PRELID2: variants seen among roughly 807,000 people sequenced by gnomAD.
PRELID2 encodes the protein PRELI domain-containing protein 2.
PRELID2 carries 25 observed loss-of-function variants against 28.4 expected under a neutral mutation model. The ratio of observed to expected loss-of-function variants is 0.88; its 90% CI spans 0.64 to 1.23. PRELID2 has a LOEUF of 1.23. Among genes scored for constraint, PRELID2 ranks in the 50% most tolerant of loss-of-function variants. The pLI is 0.00. For missense variants in PRELID2, 201 were observed against 214.4 expected, an observed-to-expected ratio of 0.94 and a Z score of 0.39; for synonymous variants, 76 against 71.6, an observed-to-expected ratio of 1.06 and a Z score of -0.31.
intron 1 of PRELID2, among the ~76,000 whole-genome samples, chr5:145,831,402 G>A (rs774130855): frequency 1.3e-5 from 2 of 152,160 alleles, no homozygotes; most frequent in African/African-American, 2.4e-5. Flanking sequence ...TTATGGAGTG[G>A]ACCCCTAAAA....
intron 1 of PRELID2, among the ~76,000 whole-genome samples, chr5:145,590,337 G>A (rs1753210513): frequency 6.6e-6 from 1 of 152,094 alleles, no homozygotes; most frequent in South Asian, 2.1e-4. Flanking sequence ...AGTGTTCTCT[G>A]TTCTTTCATG....
At chr5:145,398,850 G>A in the PRELID2 span, among the ~76,000 whole-genome samples, 1 of 152,026 alleles carries the variant, frequency 6.6e-6, no homozygotes, top group African/African-American at 2.4e-5. Flanking sequence ...AGGAAGGAAG[G>A]AAGTCTTTCC....
At chr5:145,301,063 T>C in the PRELID2 span, among the ~76,000 whole-genome samples, 2 of 152,098 alleles carry the variant, frequency 1.3e-5, no homozygotes, top group Non-Finnish European at 2.9e-5. Context: ...TAACAATATA[T>C]CCAAAAGAGT....
intron 5 of PRELID2, among the ~76,000 whole-genome samples, chr5:145,787,730 G>A (rs1411780972): frequency 2.6e-5 from 4 of 152,002 alleles, no homozygotes; most frequent in Non-Finnish European, 4.4e-5. Flanking sequence ...CTGTAGAGAC[G>A]AGATCTCCCT....
chr5:145,380,799 C>A, the PRELID2 span, among the ~76,000 whole-genome samples: 1 of 152,088 alleles, frequency 6.6e-6, no homozygotes, highest in Admixed American at 6.5e-5. Flanking sequence ...ATGAGCTTTT[C>A]TTTTACTTTG....
intron 1 of PRELID2, among the ~76,000 whole-genome samples, chr5:145,717,446 T>A (rs1755873619): frequency 6.6e-6 from 1 of 152,082 alleles, no homozygotes; most frequent in African/African-American, 2.4e-5. Context: ...ATAAATAATA[T>A]GTTTTTAAAA....
chr5:145,732,068 A>C (rs568480360), intron 1 of PRELID2, among the ~76,000 whole-genome samples: 1 of 152,318 alleles, frequency 6.6e-6, no homozygotes, highest in South Asian at 2.1e-4. Context: ...GGTAGCTATA[A>C]ATAAATAGGT....
chr5:145,316,091 T>C, the PRELID2 span, among the ~76,000 whole-genome samples: 2 of 152,318 alleles, frequency 1.3e-5, no homozygotes, highest in East Asian at 3.9e-4. Flanking sequence ...GATATGTAGC[T>C]TGAAATTGGC....
the PRELID2 span, chr5:145,229,486 C>A: frequency 9.5e-7 from 1 of 1,057,160 alleles, no homozygotes; most frequent in Non-Finnish European, 1.4e-6. Flanking sequence ...CTGACATTCT[C>A]AAGATCCAAT....
At chr5:145,668,422 A>T (rs1358090237) in intron 1 of PRELID2, among the ~76,000 whole-genome samples, 1 of 151,992 alleles carries the variant, frequency 6.6e-6, no homozygotes, top group Admixed American at 6.6e-5. Context: ...GTCCCTATAG[A>T]TACCCAATAT....
At chr5:145,267,450 C>T in the PRELID2 span, among the ~76,000 whole-genome samples, 1 of 152,144 alleles carries the variant, frequency 6.6e-6, no homozygotes. Context: ...ACACAATGAC[C>T]TCCAGTTTCT....
At chr5:145,229,504 A>G in the PRELID2 span, 1 of 1,202,066 alleles carries the variant, frequency 8.3e-7, no homozygotes, top group Non-Finnish European at 1.2e-6. Context: ...AATTCAAAAA[A>G]GGAGTCCCCG....
chr5:145,342,480 A>G, the PRELID2 span, among the ~76,000 whole-genome samples: 1 of 152,178 alleles, frequency 6.6e-6, no homozygotes, highest in Non-Finnish European at 1.5e-5. Flanking sequence ...ACACAGTCTC[A>G]TATGTCAATA....
rs1755413484 is a variant in PRELID2 at position 145,829,061 on chromosome 5, TGG to T, written c.76-5929_76-5928del. ...TGGTTTGGGGTTTTGTTGTTGTTGG[TGG>T]TGGTGGTGGTGGTGGTGGTAGAGAT... On this transcript the variant is annotated intron_variant, in intron 1 of 6. Coordinates refer to ENST00000683046, the MANE Select transcript of PRELID2 (RefSeq NM_205846.3). Among the ~76,000 whole-genome samples the T allele has an allele frequency of 9.9e-5, 15 of 151,068 alleles. No homozygotes were observed. In the South Asian group the frequency reaches 3.2e-3, roughly 32 times the overall value.
At chr5:145,366,859 T>G in the PRELID2 span, among the ~76,000 whole-genome samples, 1 of 152,012 alleles carries the variant, frequency 6.6e-6, no homozygotes, top group Non-Finnish European at 1.5e-5. Flanking sequence ...ACTCAAAAAG[T>G]GACACTCCTG....
chr5:145,717,609 C>T (rs1755877754), intron 1 of PRELID2, among the ~76,000 whole-genome samples: 1 of 151,372 alleles, frequency 6.6e-6, no homozygotes, highest in African/African-American at 2.4e-5. Flanking sequence ...AGTTCTATTT[C>T]ATTTGAATCA....
chr5:145,435,256 C>G, the PRELID2 span, among the ~76,000 whole-genome samples: 2 of 152,248 alleles, frequency 1.3e-5, no homozygotes, highest in East Asian at 3.9e-4. Flanking sequence ...GTTGAACTCA[C>G]TAGGTCAGGA....
At chr5:145,827,859 T>C (rs1409511808) in intron 1 of PRELID2, among the ~76,000 whole-genome samples, 2 of 152,116 alleles carry the variant, frequency 1.3e-5, no homozygotes, top group Non-Finnish European at 2.9e-5. Flanking sequence ...GATGCTAGAC[T>C]GGAAAAACGA....
the PRELID2 span, among the ~76,000 whole-genome samples, chr5:145,315,566 G>A: frequency 6.6e-5 from 10 of 151,276 alleles, no homozygotes; most frequent in African/African-American, 2.4e-4. Flanking sequence ...GTGTGTGTGT[G>A]TGTGTGTGTG....
Sources: gnomAD v4.1 joint callset for allele counts (sites outside exome capture counted in the v4.1 genomes callset) on GRCh38, gnomAD v4.1.1 for gene constraint, MANE v1.5 for transcripts, NCBI Gene and HGNC (gene_info 2026-07-23, HGNC 2026-07-21) for gene names.